Variants in SLC29A1 observed in about 807,000 individuals in gnomAD.
SLC29A1 encodes solute carrier family 29 member 1 (Augustine blood group), also known as equilibrative nucleoside transporter 1.
In SLC29A1, 22 loss-of-function variants were observed where a neutral mutation model predicts 48.3. The ratio of observed to expected loss-of-function variants is 0.46; its 90% CI spans 0.33 to 0.65. The LOEUF is 0.65. Among genes scored for constraint, SLC29A1 ranks in the 30% least tolerant of loss-of-function variants. The pLI is 0.03. For missense variants in SLC29A1, 491 were observed against 575.3 expected (o/e 0.85, Z 1.50); for synonymous variants, 228 against 231.0 (o/e 0.99, Z 0.12).
chr6:44,227,770 T>C (rs571367647), intron 2 of SLC29A1, among the ~76,000 whole-genome samples: 8 of 152,364 alleles, frequency 5.3e-5, no homozygotes, highest in Admixed American at 4.6e-4. Context: ...GCCTGTGAAC[T>C]CCCAGTCAAG....
intron 8 of SLC29A1, among the ~76,000 whole-genome samples, 165 bp downstream of exon 8, chr6:44,231,054 G>A (rs758836907): frequency 3.3e-5 from 5 of 152,116 alleles, no homozygotes; most frequent in African/African-American, 1.2e-4. Flanking sequence ...AATAAGGGCC[G>A]GCAATGATAA....
chr6:44,233,639 C>T lies in SLC29A1; in HGVS notation c.*111C>T, dbSNP rs1582968207. ...GGCGGTTTTTTCTTCTAACTGACTT[C>T]TGCTTTCCACGGCGTGTGCTGGGCC... is the stretch of plus-strand genomic sequence containing the variant. On this transcript the variant is annotated 3_prime_UTR_variant, in exon 13 of 13. Transcript: ENST00000371755. The T allele has an allele frequency of 1.8e-5, 15 of 827,122 alleles. No individual in the cohort carries two copies. The East Asian group carries it at 3.7e-4, about 21-fold the overall frequency. 51.2% of individuals were successfully genotyped at this position (827,122 alleles called of 1,614,324 possible). A position where few individuals can be genotyped will look rare whatever the true frequency, so the allele number is the denominator to read the frequency against.
chr6:44,223,512 C>T, upstream of SLC29A1: 1 of 944,344 alleles, frequency 1.1e-6, no homozygotes, highest in Non-Finnish European at 1.3e-6. This position sits in a 1 kb window ranked among gnomAD's most constrained non-coding sequence, Gnocchi z 5.0. Context: ...CCGCGGGCGT[C>T]GGGGAGGTGG....
At chr6:44,228,609 G>A (rs1156692452) in intron 2 of SLC29A1, among the ~76,000 whole-genome samples, 2 of 151,376 alleles carry the variant, frequency 1.3e-5, no homozygotes, top group African/African-American at 4.9e-5. Flanking sequence ...AAACCCAACT[G>A]GAGATCTACA....
chr6:44,226,819 C>A, intron 1 of SLC29A1: 1 of 1,013,822 alleles, frequency 9.9e-7, no homozygotes, highest in African/African-American at 1.7e-5. Flanking sequence ...CCTCCCCCGA[C>A]CTCTTTGCTG....
At chr6:44,226,017 G>C (rs1401911464) in intron 1 of SLC29A1, 7 of 746,182 alleles carry the variant, frequency 9.4e-6, no homozygotes, top group Non-Finnish European at 9.8e-6. Flanking sequence ...ACTCTCTCCT[G>C]ATAACACCCT....
chr6:44,230,183 G>A (rs1026116459), intron 5 of SLC29A1, 137 bp downstream of exon 5: 1 of 1,482,008 alleles, frequency 6.7e-7, no homozygotes, highest in East Asian at 2.3e-5. Flanking sequence ...CTGGGATTCA[G>A]AGGCCTGAGT....
In SLC29A1 at chr6:44,226,750, A is replaced by G. The variant is rs983020989; in HGVS notation, c.-51-513A>G. 1.0e-5 allele frequency: 10 copies of G among 998,646 alleles called. No homozygotes were observed. The African/African-American group carries it at 1.7e-4, about 17-fold the overall frequency. 61.9% of individuals were successfully genotyped at this position (998,646 alleles called of 1,614,324 possible). A position where few individuals can be genotyped will look rare whatever the true frequency, so the allele number is the denominator to read the frequency against. ...CCTGGGGAGCCTCTGGTTTGACCTCAGTCATCATCGATGTTGTCGCAGCTG... is the reference window on the plus strand; with the variant it reads ...CCTGGGGAGCCTCTGGTTTGACCTCGGTCATCATCGATGTTGTCGCAGCTG... On this transcript the variant is annotated intron_variant, in intron 1 of 12. Transcript: ENST00000371755.
upstream of SLC29A1, among the ~76,000 whole-genome samples, chr6:44,222,538 C>T (rs1244820460): frequency 6.6e-6 from 1 of 152,036 alleles, no homozygotes; most frequent in Non-Finnish European, 1.5e-5. Context: ...GGGTGGGCAG[C>T]GTGGGTTGGA....
chr6:44,230,456 C>T lies in SLC29A1; in HGVS notation c.564C>T (p.Ser188=), dbSNP rs201119991. 130 of 1,613,888 alleles carry T rather than the reference C, an allele frequency of 8.1e-5. No individual in the cohort carries two copies. The East Asian group carries it at 1.9e-3, about 24-fold the overall frequency. ...AGGGCCTAGCAGGCTTCTTTGCCTC[C>T]GTGGCCATGATCTGCGCTATTGCCA... The part of the protein sequence containing the change: ...SGQGLAGFFA[S]VAMICAIASG... Residue 188 remains serine (S), a synonymous_variant, in exon 6 of 13, where the codon TCC becomes TCT. Coordinates refer to ENST00000371755, the MANE Select transcript of SLC29A1 (RefSeq NM_001372327.1).
chr6:44,232,302 C>G lies in SLC29A1; in HGVS notation c.974-41C>G. The G allele has an allele frequency of 2.1e-6, 3 of 1,422,428 alleles. No homozygotes were observed. The highest frequency in any genetic ancestry group is 3.3e-5 in the Admixed American group (2 of 59,810). 88.1% of individuals were successfully genotyped at this position (1,422,428 alleles called of 1,614,324 possible). On this transcript the variant is annotated intron_variant, in intron 10 of 12. Coordinates refer to ENST00000371755, the MANE Select transcript of SLC29A1 (RefSeq NM_001372327.1). The surrounding 1 kb of genome is among the most constrained non-coding windows in gnomAD (Gnocchi z 4.7). Reference sequence around the variant, plus strand: ...TGAAGGTTAGGCTTGCTATACCTGCCTCTGTGAGCCTGATAACCACCCGTT... The same window carrying G: ...TGAAGGTTAGGCTTGCTATACCTGCGTCTGTGAGCCTGATAACCACCCGTT...
chr6:44,232,376 C>A lies in SLC29A1; in HGVS notation c.1007C>A (p.Thr336Asn). Residue 336 changes from threonine (T) to asparagine (N), a missense_variant, in exon 11 of 13, where the codon ACT becomes AAT. By Grantham distance (65) the Thr-to-Asn change is moderately conservative. Transcript: ENST00000371755. The surrounding 1 kb of genome is among the most constrained non-coding windows in gnomAD (Gnocchi z 4.7). ...TTCATTCCTGTGTCCTGTTTCTTGACTTTCAATATCTTTGACTGGTTGGGC... is the reference window on the plus strand; with the variant it reads ...TTCATTCCTGTGTCCTGTTTCTTGAATTTCAATATCTTTGACTGGTTGGGC... Reference protein sequence around the residue: ...RYFIPVSCFLTFNIFDWLGRS... With the variant: ...RYFIPVSCFLNFNIFDWLGRS... 6.2e-7 allele frequency: 1 copy of A among 1,613,718 alleles called. No individual in the cohort carries two copies.
intron 2 of SLC29A1, among the ~76,000 whole-genome samples, chr6:44,228,875 G>C (rs917735312): frequency 2.0e-5 from 3 of 152,208 alleles, no homozygotes; most frequent in African/African-American, 7.2e-5. Flanking sequence ...GCGGCCCTGA[G>C]GCACCCTGCC....
At chr6:44,226,215 A>C in intron 1 of SLC29A1, 4 of 656,030 alleles carry the variant, frequency 6.1e-6, no homozygotes, top group Non-Finnish European at 7.6e-6. Context: ...TTCACCCCAA[A>C]CAGCAAGGCC....
At chr6:44,230,185 G>A (rs1419099775) in intron 5 of SLC29A1, 139 bp downstream of exon 5, 1 of 1,452,536 alleles carries the variant, frequency 6.9e-7, no homozygotes, top group East Asian at 2.3e-5. Context: ...GGGATTCAGA[G>A]GCCTGAGTGG....
At chr6:44,220,649 C>T (rs1776262192), upstream of SLC29A1, among the ~76,000 whole-genome samples, 2 of 102,420 alleles carry the variant, frequency 2.0e-5, no homozygotes, top group Admixed American at 9.9e-5. Flanking sequence ...CCCGTCTCTA[C>T]TAAAAAAAAA....
At chr6:44,228,016 T>C (rs940271062) in intron 2 of SLC29A1, among the ~76,000 whole-genome samples, 2 of 152,180 alleles carry the variant, frequency 1.3e-5, no homozygotes, top group African/African-American at 2.4e-5. Flanking sequence ...ACTAGGCCAC[T>C]TTTGCCTGTG....
In SLC29A1 at chr6:44,229,816, C is replaced by T. The variant is rs376269532; in HGVS notation, c.314+25C>T. The T allele has an allele frequency of 2.5e-6, 4 of 1,610,732 alleles. No individual in the cohort carries two copies. Among genetic ancestry groups the T allele is most frequent in the African/African-American group, 1.3e-5 (1 of 74,972 alleles). ...GGTGAGTGCCCACCCCCTCCCCAGC[C>T]CCCAGCCTGACCCTCACTGTGTCCT... On this transcript the variant is annotated intron_variant, in intron 4 of 12. Transcript: ENST00000371755. The surrounding 1 kb of genome is among the most constrained non-coding windows in gnomAD (Gnocchi z 5.1).
rs1777800390 is a variant in SLC29A1 at position 44,227,358 on chromosome 6, C to G, written c.29+16C>G. 3 of 1,607,592 alleles carry G rather than the reference C, an allele frequency of 1.9e-6. No homozygotes were observed. The South Asian group carries it at 3.3e-5, about 18-fold the overall frequency. ...CTCAGGACAGGTAAGGGGTAAGGGGCTGGGCTGTGGATCCAGGGAATGGGT... is the reference window on the plus strand; with the variant it reads ...CTCAGGACAGGTAAGGGGTAAGGGGGTGGGCTGTGGATCCAGGGAATGGGT... On this transcript the variant is annotated intron_variant, in intron 2 of 12. Transcript: ENST00000371755.
Sources: gnomAD v4.1 joint callset for allele counts (sites outside exome capture counted in the v4.1 genomes callset) on GRCh38, gnomAD v4.1.1 for gene constraint, Gnocchi (gnomAD v3.1) non-coding constraint, MANE v1.5 for transcripts, NCBI Gene and HGNC (gene_info 2026-07-23, HGNC 2026-07-21) for gene names.